The following PAK2 variants were observed in gnomAD, a reference collection of about 807,000 sequenced individuals.
The protein encoded by PAK2 is serine/threonine-protein kinase PAK 2.
A neutral mutation model predicts 65.9 loss-of-function variants in PAK2; 21 were observed. The observed-to-expected ratio is 0.32, with a 90% CI of 0.23 to 0.46. PAK2 has a LOEUF of 0.46. Among genes scored for constraint, PAK2 ranks in the 20% least tolerant of loss-of-function variants. The pLI, the probability that PAK2 is intolerant of heterozygous loss-of-function variation, is 1.00. For synonymous variants in PAK2, 204 were observed against 219.7 expected, an observed-to-expected ratio of 0.93 and a Z score of 0.63; for missense variants, 324 against 642.6, an observed-to-expected ratio of 0.50 and a Z score of 5.36.
intron 1 of PAK2, among the ~76,000 whole-genome samples, chr3:196,750,663 GTA>G (rs1293061953): frequency 6.7e-6 from 1 of 150,278 alleles, no homozygotes; most frequent in African/African-American, 2.5e-5. Flanking sequence ...AAAATTGCGT[GTA>G]GTTTATTTTT....
chr3:196,741,524 C>T (rs931142727), intron 1 of PAK2, among the ~76,000 whole-genome samples: 16 of 152,168 alleles, frequency 1.1e-4, no homozygotes, highest in African/African-American at 9.7e-5. Flanking sequence ...TACTTATTAG[C>T]CAAGCACATT....
chr3:196,825,453 C>G (rs7627510), intron 13 of PAK2, among the ~76,000 whole-genome samples: 1 of 151,734 alleles, frequency 6.6e-6, no homozygotes, highest in Admixed American at 6.6e-5. Context: ...ACCAGCCTGG[C>G]CAACACAGTG....
intron 1 of PAK2, among the ~76,000 whole-genome samples, chr3:196,750,069 C>T (rs1208720818): frequency 6.6e-6 from 1 of 151,304 alleles, no homozygotes; most frequent in Non-Finnish European, 1.5e-5. Flanking sequence ...TCACTGCAAC[C>T]TCCGCCTCCT....
chr3:196,747,929 A>G (rs1370789387), intron 1 of PAK2, among the ~76,000 whole-genome samples: 1 of 152,142 alleles, frequency 6.6e-6, no homozygotes. Context: ...CATATTTGAA[A>G]GAGATCTTTC....
chr3:196,830,727 AC>A lies in PAK2; in HGVS notation c.*2323del, dbSNP rs2108781105. ...CTACGCTGTGGTTTATTCTTAAGTTACGTGGATAAACTAACCTCTAACAGAA... is the reference window on the plus strand; with the variant it reads ...CTACGCTGTGGTTTATTCTTAAGTTAGTGGATAAACTAACCTCTAACAGAA... On this transcript the variant is annotated 3_prime_UTR_variant, in exon 15 of 15. Coordinates refer to ENST00000327134, the MANE Select transcript of PAK2 (RefSeq NM_002577.4). 1 of 152,352 alleles carries A rather than the reference AC, an allele frequency of 6.6e-6. No homozygotes were observed. The highest frequency in any genetic ancestry group is 2.1e-4 in the South Asian group (1 of 4,828). The allele number at this position is 152,352 out of a possible 1,614,324, so 9.4% of individuals were successfully genotyped here.
chr3:196,815,427 C>G (rs1290942482), intron 11 of PAK2, among the ~76,000 whole-genome samples: 1 of 147,084 alleles, frequency 6.8e-6, no homozygotes, highest in African/African-American at 2.5e-5. Context: ...AGGAGGCAGA[C>G]ATTGCAGTGA....
intron 1 of PAK2, among the ~76,000 whole-genome samples, chr3:196,771,992 T>C (rs1167621750): frequency 2.6e-5 from 4 of 152,266 alleles, no homozygotes; most frequent in South Asian, 2.1e-4. Context: ...TTTTTTCTTA[T>C]TGAAAGTTCT....
chr3:196,801,905 C>CT (rs201559402), intron 2 of PAK2, 22 bp from the exon 3 acceptor site: 5 of 1,245,530 alleles, frequency 4.0e-6, no homozygotes, highest in Admixed American at 1.7e-5. Flanking sequence ...GATTCTTTCT[C>CT]TTTTTTTCTA....
chr3:196,739,910 C>T lies in PAK2; in HGVS notation c.-269C>T, dbSNP rs1713124077. 1 of 152,236 alleles carries T rather than the reference C, an allele frequency of 6.6e-6. No individual in the cohort carries two copies. Among genetic ancestry groups the T allele is most frequent in the Non-Finnish European group, 1.5e-5 (1 of 68,128 alleles). 9.4% of individuals were successfully genotyped at this position (152,236 alleles called of 1,614,324 possible). A position where few individuals can be genotyped will look rare whatever the true frequency, so the allele number is the denominator to read the frequency against. On this transcript the variant is annotated 5_prime_UTR_variant, in exon 1 of 15. Transcript: ENST00000327134. ...CGCAGCGGCGGCGGTTGTTCCGCTTCCCCTCCGGCCCGGGCCGTCGCCATT... is the reference window on the plus strand; with the variant it reads ...CGCAGCGGCGGCGGTTGTTCCGCTTTCCCTCCGGCCCGGGCCGTCGCCATT...
intron 1 of PAK2, among the ~76,000 whole-genome samples, chr3:196,750,790 A>G (rs1313272324): frequency 1.3e-5 from 2 of 151,492 alleles, no homozygotes; most frequent in Non-Finnish European, 2.9e-5. Context: ...GTTTATTATA[A>G]TAAATGCTTT....
At chr3:196,774,521 A>G (rs139304270) in intron 1 of PAK2, among the ~76,000 whole-genome samples, 39 of 152,334 alleles carry the variant, frequency 2.6e-4, no homozygotes, top group African/African-American at 9.1e-4. Context: ...GGTTGGGTAG[A>G]TAAAAGGAAA....
intron 13 of PAK2, among the ~76,000 whole-genome samples, chr3:196,823,980 C>T (rs931157105): frequency 5.3e-5 from 8 of 151,960 alleles, no homozygotes; most frequent in African/African-American, 1.9e-4. Flanking sequence ...GTATCAGAGC[C>T]TGTACATGAA....
At chr3:196,816,226 G>C (rs532087469) in intron 11 of PAK2, among the ~76,000 whole-genome samples, 2 of 152,136 alleles carry the variant, frequency 1.3e-5, no homozygotes, top group South Asian at 4.1e-4. Flanking sequence ...GTTCATGTAA[G>C]GATGATACAT....
At chr3:196,799,103 A>C (rs999914651) in intron 2 of PAK2, among the ~76,000 whole-genome samples, 1 of 152,232 alleles carries the variant, frequency 6.6e-6, no homozygotes, top group Non-Finnish European at 1.5e-5. Flanking sequence ...ATTGGAAAGA[A>C]GTAAACTTGA....
At chr3:196,755,881 T>C (rs1713752045) in intron 1 of PAK2, among the ~76,000 whole-genome samples, 1 of 152,008 alleles carries the variant, frequency 6.6e-6, no homozygotes, top group African/African-American at 2.4e-5. Flanking sequence ...TCAGCCTCCT[T>C]AGTAGCTGGG....
At chr3:196,768,459 C>G (rs968264083) in intron 1 of PAK2, among the ~76,000 whole-genome samples, 2 of 151,630 alleles carry the variant, frequency 1.3e-5, no homozygotes, top group African/African-American at 4.9e-5. Flanking sequence ...ATGCTTAACT[C>G]GTTAATTTTT....
intron 2 of PAK2, among the ~76,000 whole-genome samples, chr3:196,796,529 CTAAA>C (rs1715265432): frequency 6.6e-6 from 1 of 152,062 alleles, no homozygotes; most frequent in South Asian, 2.1e-4. Flanking sequence ...TTGCACAACT[CTAAA>C]TATACTAAAA....
At chr3:196,761,873 G>A (rs1475210224) in intron 1 of PAK2, among the ~76,000 whole-genome samples, 11 of 149,794 alleles carry the variant, frequency 7.3e-5, no homozygotes, top group Admixed American at 3.4e-4. Flanking sequence ...GGTGGCTGCC[G>A]GACGGAGACG....
At chr3:196,793,898 A>C (rs1459360040) in intron 2 of PAK2, among the ~76,000 whole-genome samples, 1 of 152,228 alleles carries the variant, frequency 6.6e-6, no homozygotes, top group Non-Finnish European at 1.5e-5. Context: ...TGGGAAGCCA[A>C]GGTGGGTGGA....
Sources: allele counts gnomAD v4.1 joint callset (sites outside exome capture counted in the v4.1 genomes callset), GRCh38; gene constraint gnomAD v4.1.1; transcripts MANE v1.5; gene names NCBI Gene and HGNC (gene_info 2026-07-23, HGNC 2026-07-21).